The following IMMP2L variants were observed in gnomAD, a reference collection of about 807,000 sequenced individuals.
IMMP2L encodes the protein inner mitochondrial membrane peptidase subunit 2, also known as mitochondrial inner membrane protease subunit 2.
IMMP2L carries 18 observed loss-of-function variants against 19.3 expected under a neutral mutation model. That is an observed-to-expected ratio of 0.93 (90% CI 0.64 to 1.38). IMMP2L has a LOEUF of 1.38. Among genes scored for constraint, IMMP2L ranks in the 40% most tolerant of loss-of-function variants. The pLI, the probability that IMMP2L is intolerant of heterozygous loss-of-function variation, is 0.00. For missense variants in IMMP2L, 233 were observed against 218.2 expected (o/e 1.07, Z -0.43); for synonymous variants, 76 against 73.0 (o/e 1.04, Z -0.21).
chr7:110,970,602 G>C (rs1820045420), intron 3 of IMMP2L, among the ~76,000 whole-genome samples: 1 of 152,046 alleles, frequency 6.6e-6, no homozygotes, highest in South Asian at 2.1e-4. Context: ...TGGAAATGAA[G>C]GACGTGAATG....
intron 5 of IMMP2L, among the ~76,000 whole-genome samples, chr7:110,741,377 A>C (rs1027817244): frequency 2.0e-5 from 3 of 152,268 alleles, no homozygotes; most frequent in Non-Finnish European, 2.9e-5. Context: ...CTTAATTTCC[A>C]GTGTGATTGT....
chr7:110,800,812 C>T (rs1801186793), intron 5 of IMMP2L, among the ~76,000 whole-genome samples: 1 of 151,998 alleles, frequency 6.6e-6, no homozygotes, highest in South Asian at 2.1e-4. Context: ...ATATAATAGA[C>T]AATCATAACT....
In IMMP2L at chr7:111,382,948, C is replaced by T. The variant is rs544794045; in HGVS notation, c.239+104290G>A. On this transcript the variant is annotated intron_variant, in intron 3 of 5. Transcript: ENST00000405709. Reference sequence around the variant, plus strand: ...GGATTTAATATTTATAGCAAATATTCGAAAGCCAAGGACACAGATTCATCC... The same window carrying T: ...GGATTTAATATTTATAGCAAATATTTGAAAGCCAAGGACACAGATTCATCC... Among the ~76,000 whole-genome samples, 3 of 152,116 alleles carry T rather than the reference C, an allele frequency of 2.0e-5. 1 individual carries two copies. The highest frequency in any genetic ancestry group is 3.9e-4 in the East Asian group (2 of 5,170).
chr7:110,766,908 C>T (rs1798701391), intron 5 of IMMP2L, among the ~76,000 whole-genome samples: 1 of 152,054 alleles, frequency 6.6e-6, no homozygotes, highest in Non-Finnish European at 1.5e-5. Flanking sequence ...TGTTTGGGTT[C>T]CCAGGGCTTC....
At chr7:111,439,141 G>A (rs1837474005) in intron 3 of IMMP2L, among the ~76,000 whole-genome samples, 1 of 151,740 alleles carries the variant, frequency 6.6e-6, no homozygotes. Flanking sequence ...GCTATCCTCT[G>A]GAAATGCTTC....
chr7:110,699,967 TATACAGTCC>T (rs1794160127), intron 5 of IMMP2L, among the ~76,000 whole-genome samples: 1 of 152,110 alleles, frequency 6.6e-6, no homozygotes, highest in African/African-American at 2.4e-5. Flanking sequence ...GGCCCTCTCT[TATACAGTCC>T]ATAGCCCCAA....
chr7:111,215,407 C>T (rs1272037674), intron 3 of IMMP2L, among the ~76,000 whole-genome samples: 1 of 152,038 alleles, frequency 6.6e-6, no homozygotes, highest in East Asian at 1.9e-4. Context: ...ATACAGCTAG[C>T]AAATAAGTAA....
At chr7:111,315,008 G>A (rs548033407) in intron 3 of IMMP2L, among the ~76,000 whole-genome samples, 30 of 152,172 alleles carry the variant, frequency 2.0e-4, no homozygotes, top group Admixed American at 1.8e-3. Flanking sequence ...TAAATCGGGA[G>A]GAAAATATTT....
intron 5 of IMMP2L, among the ~76,000 whole-genome samples, chr7:110,847,824 A>G (rs1052048657): frequency 6.6e-6 from 1 of 152,184 alleles, no homozygotes; most frequent in African/African-American, 2.4e-5. Flanking sequence ...CTTTTCAAAA[A>G]ATAGTGCTGG....
intron 3 of IMMP2L, among the ~76,000 whole-genome samples, chr7:111,238,473 G>A (rs1814604318): frequency 6.6e-6 from 1 of 151,920 alleles, no homozygotes; most frequent in Non-Finnish European, 1.5e-5. Flanking sequence ...TATTATAAAA[G>A]CCAGGAAGAT....
chr7:111,489,726 C>T (rs1048556866), intron 2 of IMMP2L, among the ~76,000 whole-genome samples: 4 of 152,118 alleles, frequency 2.6e-5, no homozygotes, highest in African/African-American at 9.7e-5. Context: ...TATCCTTGAA[C>T]ACCTCAAACA....
chr7:110,935,052 G>C lies in IMMP2L; in HGVS notation c.305+28448C>G, dbSNP rs147721535. Among the ~76,000 whole-genome samples, 258 of 152,222 alleles carry C rather than the reference G, an allele frequency of 1.7e-3. 12 individuals carry two copies. The East Asian group carries it at 0.037, about 22-fold the overall frequency. On this transcript the variant is annotated intron_variant, in intron 4 of 5. Transcript: ENST00000405709. ...GATCCTGTCATTATGATAATAGCTGGTTATTTTGCCCATTAGTTGATGCAG... is the reference window on the plus strand; with the variant it reads ...GATCCTGTCATTATGATAATAGCTGCTTATTTTGCCCATTAGTTGATGCAG...
chr7:111,267,515 T>A (rs1405468115), intron 3 of IMMP2L, among the ~76,000 whole-genome samples: 1 of 152,090 alleles, frequency 6.6e-6, no homozygotes, highest in Non-Finnish European at 1.5e-5. Flanking sequence ...TTACTGTGAT[T>A]ATAAACATGG....
At chr7:111,203,879 T>C (rs1172400449) in intron 3 of IMMP2L, among the ~76,000 whole-genome samples, 1 of 152,196 alleles carries the variant, frequency 6.6e-6, no homozygotes, top group Non-Finnish European at 1.5e-5. Flanking sequence ...ACAATTTCCA[T>C]GTCTCAAGAC....
In IMMP2L at chr7:111,269,789, C is replaced by A. The variant is rs1473395078; in HGVS notation, c.239+217449G>T. 2.6e-5 allele frequency among the ~76,000 whole-genome samples: 4 copies of A among 152,238 alleles called. No individual in the cohort carries two copies. The South Asian group carries it at 8.3e-4, about 32-fold the overall frequency. ...AGAAGACCTATCAAATGCAAACTCA[C>A]CACACAGAAATGCTATCCTAAAGTA... On this transcript the variant is annotated intron_variant, in intron 3 of 5. Coordinates refer to ENST00000405709, the MANE Select transcript of IMMP2L (RefSeq NM_032549.4).
intron 5 of IMMP2L, among the ~76,000 whole-genome samples, chr7:110,669,226 AGTTGCAGTTC>A (rs1336709652): frequency 6.6e-6 from 1 of 152,114 alleles, no homozygotes; most frequent in Non-Finnish European, 1.5e-5. Context: ...CCCAGGAAAA[AGTTGCAGTTC>A]GTTGCAGTTC....
chr7:111,298,664 G>A, intron 3 of IMMP2L, among the ~76,000 whole-genome samples: 1 of 151,488 alleles, frequency 6.6e-6, no homozygotes, highest in East Asian at 2.0e-4. Flanking sequence ...GCTGAGACAA[G>A]AGAATCGCTT....
chr7:111,466,856 G>A (rs1840722280), intron 3 of IMMP2L, among the ~76,000 whole-genome samples: 1 of 151,988 alleles, frequency 6.6e-6, no homozygotes. Flanking sequence ...ATTGTATTAG[G>A]TGTCCTAAGT....
chr7:110,820,150 T>A (rs1802893787), intron 5 of IMMP2L, among the ~76,000 whole-genome samples: 1 of 152,066 alleles, frequency 6.6e-6, no homozygotes, highest in Non-Finnish European at 1.5e-5. Flanking sequence ...CTAAATCTAC[T>A]TATCTTCAGG....
Sources: gnomAD v4.1 joint callset for allele counts (sites outside exome capture counted in the v4.1 genomes callset) on GRCh38, gnomAD v4.1.1 for gene constraint, MANE v1.5 for transcripts, NCBI Gene and HGNC (gene_info 2026-07-23, HGNC 2026-07-21) for gene names.